Variants in PDE3A observed in about 807,000 individuals in gnomAD.
The protein encoded by PDE3A is cGMP-inhibited 3',5'-cyclic phosphodiesterase 3A.
In PDE3A, 43 loss-of-function variants were observed where a neutral mutation model predicts 98.3. That is an observed-to-expected ratio of 0.44 (90% CI 0.34 to 0.56). PDE3A has a LOEUF of 0.56. Ranked by LOEUF, PDE3A falls within the 20% of genes least tolerant of loss-of-function variation. The probability of loss-of-function intolerance (pLI) is 0.01; values close to 1 mark genes in which losing one functional copy is unlikely to be tolerated. For missense variants in PDE3A, 1,427 were observed against 1,440.7 expected, an observed-to-expected ratio of 0.99 and a Z score of 0.15; for synonymous variants, 663 against 567.9, an observed-to-expected ratio of 1.17 and a Z score of -2.38.
Position 20,650,889 on chromosome 12 carries a change from T to A in PDE3A, c.2925+289T>A, listed in dbSNP as rs142712511. ...GAAGATCCTTGAAATACTGTTTTTTTATAGATTTATTTATTATCATAGAAG... is the reference window on the plus strand; with the variant it reads ...GAAGATCCTTGAAATACTGTTTTTTAATAGATTTATTTATTATCATAGAAG... On this transcript the variant is annotated intron_variant, in intron 14 of 15. Coordinates refer to ENST00000359062, the MANE Select transcript of PDE3A (RefSeq NM_000921.5). 2.0e-5 allele frequency among the ~76,000 whole-genome samples: 3 copies of A among 152,250 alleles called. No homozygotes were observed. In the East Asian group the frequency reaches 5.8e-4, roughly 29 times the overall value.
intron 10 of PDE3A, among the ~76,000 whole-genome samples, chr12:20,641,677 A>AAG (rs1413758129): frequency 6.6e-6 from 1 of 152,172 alleles, no homozygotes; most frequent in African/African-American, 2.4e-5. Flanking sequence ...TCATAGTTGA[A>AAG]AGATGGCAAA....
At chr12:20,656,766 C>T (rs756013381) in intron 15 of PDE3A, among the ~76,000 whole-genome samples, 2 of 152,108 alleles carry the variant, frequency 1.3e-5, no homozygotes, top group Non-Finnish European at 2.9e-5. Context: ...TCCCAGGGGC[C>T]CTGACTTACT....
chr12:20,462,848 T>G (rs1460066201), intron 1 of PDE3A, among the ~76,000 whole-genome samples: 1 of 152,010 alleles, frequency 6.6e-6, no homozygotes, highest in African/African-American at 2.4e-5. Context: ...TGGGGTGCAG[T>G]GCAGGATCAT....
chr12:20,613,846 A>C, intron 3 of PDE3A, 146 bp downstream of exon 3: 3 of 616,842 alleles, frequency 4.9e-6, no homozygotes, highest in Non-Finnish European at 5.7e-6. Context: ...AGAAGTAATA[A>C]ATATTTAAAC....
chr12:20,571,499 A>G (rs931125291), intron 2 of PDE3A, among the ~76,000 whole-genome samples: 5 of 152,140 alleles, frequency 3.3e-5, no homozygotes, highest in Non-Finnish European at 5.9e-5. Context: ...CTACTTCTGT[A>G]CTTAGAATTA....
chr12:20,528,960 T>C (rs965707394), intron 1 of PDE3A, among the ~76,000 whole-genome samples: 3 of 148,628 alleles, frequency 2.0e-5, no homozygotes, highest in African/African-American at 7.3e-5. Flanking sequence ...TTTTTCCTGG[T>C]TTTTAGGTTT....
At chr12:20,679,418 T>C (rs1945715316) in intron 15 of PDE3A, among the ~76,000 whole-genome samples, 1 of 152,066 alleles carries the variant, frequency 6.6e-6, no homozygotes. Flanking sequence ...TGGTTAATTT[T>C]TTGTATTTTT....
At chr12:20,397,807 C>T (rs1028148615) in intron 1 of PDE3A, among the ~76,000 whole-genome samples, 1 of 151,934 alleles carries the variant, frequency 6.6e-6, no homozygotes, top group Non-Finnish European at 1.5e-5. Context: ...AACTCAGTAA[C>T]AAAGAGAATC....
chr12:20,668,239 G>A (rs1306816155), intron 15 of PDE3A, among the ~76,000 whole-genome samples: 10 of 152,248 alleles, frequency 6.6e-5, no homozygotes, highest in Non-Finnish European at 1.5e-5. Context: ...AGCAGTCTGA[G>A]ATCAAACTGC....
At chr12:20,647,662 GT>G (rs1944809954) in intron 12 of PDE3A, among the ~76,000 whole-genome samples, 2 of 151,860 alleles carry the variant, frequency 1.3e-5, no homozygotes, top group African/African-American at 4.8e-5. Flanking sequence ...TGACTTTTCT[GT>G]TTTCTTCTTT....
intron 1 of PDE3A, among the ~76,000 whole-genome samples, chr12:20,391,026 C>A (rs1345417780): frequency 6.6e-6 from 1 of 151,892 alleles, no homozygotes; most frequent in Non-Finnish European, 1.5e-5. Context: ...TTCTGTGTAA[C>A]CCTCTAACGA....
intron 3 of PDE3A, among the ~76,000 whole-genome samples, chr12:20,613,909 CT>C (rs915407538): frequency 1.2e-4 from 18 of 152,072 alleles, no homozygotes; most frequent in Admixed American, 2.6e-4. Context: ...GAAAATTTAT[CT>C]TTTTATGTTA....
chr12:20,524,506 T>C (rs1287407090), intron 1 of PDE3A, among the ~76,000 whole-genome samples: 2 of 152,190 alleles, frequency 1.3e-5, no homozygotes, highest in African/African-American at 2.4e-5. Flanking sequence ...GTCAAGATGC[T>C]ACTTAGGCCA....
chr12:20,549,398 A>G (rs1942139001), intron 1 of PDE3A, among the ~76,000 whole-genome samples: 1 of 150,094 alleles, frequency 6.7e-6, no homozygotes. Flanking sequence ...CTTTCTTTGC[A>G]TTAAAAAAAA....
chr12:20,533,779 C>G (rs987517479), intron 1 of PDE3A, among the ~76,000 whole-genome samples: 42 of 152,130 alleles, frequency 2.8e-4, no homozygotes, highest in African/African-American at 1.0e-3. Flanking sequence ...AGCCACCGCG[C>G]CCGGCCCCCA....
chr12:20,463,089 T>G (rs1945281589), intron 1 of PDE3A, among the ~76,000 whole-genome samples: 1 of 152,298 alleles, frequency 6.6e-6, no homozygotes, highest in Non-Finnish European at 1.5e-5. Context: ...TACTCTTGAT[T>G]ATGCCCATGA....
At chr12:20,384,819 A>T (rs1480122604) in intron 1 of PDE3A, among the ~76,000 whole-genome samples, 1 of 152,106 alleles carries the variant, frequency 6.6e-6, no homozygotes. Flanking sequence ...GCTAAGAATA[A>T]TGGCTTCCAG....
At chr12:20,494,275 A>C (rs1032729019) in intron 1 of PDE3A, among the ~76,000 whole-genome samples, 1 of 152,250 alleles carries the variant, frequency 6.6e-6, no homozygotes, top group East Asian at 1.9e-4. Flanking sequence ...TAGAGTTTTT[A>C]CATGACCTTT....
intron 2 of PDE3A, among the ~76,000 whole-genome samples, chr12:20,562,571 G>C (rs1942555594): frequency 6.6e-6 from 1 of 151,902 alleles, no homozygotes; most frequent in Non-Finnish European, 1.5e-5. Context: ...ACATTCCAAG[G>C]GGCCAATAAT....
Sources: gnomAD v4.1 joint callset for allele counts (sites outside exome capture counted in the v4.1 genomes callset) on GRCh38, gnomAD v4.1.1 for gene constraint, MANE v1.5 for transcripts, NCBI Gene and HGNC (gene_info 2026-07-23, HGNC 2026-07-21) for gene names.